The following SPAG16 variants were observed in gnomAD, a reference collection of about 807,000 sequenced individuals.
The protein encoded by SPAG16 is sperm-associated antigen 16 protein.
Under a neutral mutation model 80.4 loss-of-function variants are expected in SPAG16, and 86 were observed. The ratio of observed to expected loss-of-function variants is 1.07; its 90% CI spans 0.90 to 1.28. The LOEUF (loss-of-function observed/expected upper bound fraction) is 1.28, where lower values mean the gene tolerates loss of function less well. Ranked by LOEUF, SPAG16 falls within the 50% of genes most tolerant of loss-of-function variation. The probability of loss-of-function intolerance (pLI) is 0.00; values close to 1 mark genes in which losing one functional copy is unlikely to be tolerated. For missense variants in SPAG16, 870 were observed against 765.3 expected, an observed-to-expected ratio of 1.14 and a Z score of -1.61; for synonymous variants, 294 against 265.9, an observed-to-expected ratio of 1.11 and a Z score of -1.03.
At chr2:213,520,585 C>T (rs923317261) in intron 10 of SPAG16, among the ~76,000 whole-genome samples, 5 of 152,156 alleles carry the variant, frequency 3.3e-5, no homozygotes, top group African/African-American at 1.2e-4. Flanking sequence ...CAGAGCAAGA[C>T]TCCATCTCAA....
intron 10 of SPAG16, among the ~76,000 whole-genome samples, chr2:213,572,847 C>G (rs2059968216): frequency 1.3e-5 from 2 of 152,202 alleles, no homozygotes; most frequent in South Asian, 4.1e-4. Flanking sequence ...CTCGCTGCTG[C>G]CTTGCAGTTT....
chr2:214,194,359 T>C (rs1030929712), intron 15 of SPAG16, among the ~76,000 whole-genome samples: 9 of 152,076 alleles, frequency 5.9e-5, no homozygotes, highest in Non-Finnish European at 1.3e-4. Context: ...CTCTTCCTCA[T>C]ACTTGCTCAG....
chr2:214,078,698 C>A lies in SPAG16; in HGVS notation c.1528-29498C>A, dbSNP rs557501678. 9.2e-5 allele frequency among the ~76,000 whole-genome samples: 14 copies of A among 151,800 alleles called. No homozygotes were observed. The South Asian group carries it at 2.9e-3, about 32-fold the overall frequency. On this transcript the variant is annotated intron_variant, in intron 13 of 15. Coordinates refer to ENST00000331683, the MANE Select transcript of SPAG16 (RefSeq NM_024532.5). ...TAGTATATTTCTGTGAAAAAATAAC[C>A]CTTTGAGGAAATTTATTATAATTGA...
chr2:213,375,794 A>G (rs2066855918), intron 9 of SPAG16, among the ~76,000 whole-genome samples: 2 of 151,890 alleles, frequency 1.3e-5, no homozygotes, highest in South Asian at 4.1e-4. Context: ...AAATATTTAC[A>G]ATTATAATAG....
intron 9 of SPAG16, among the ~76,000 whole-genome samples, chr2:213,395,403 T>C (rs1347877609): frequency 6.6e-6 from 1 of 152,210 alleles, no homozygotes; most frequent in Non-Finnish European, 1.5e-5. Context: ...ATCCCACATA[T>C]TTTGTTATAT....
At chr2:213,508,067 T>C (rs2075043587) in intron 10 of SPAG16, among the ~76,000 whole-genome samples, 1 of 152,190 alleles carries the variant, frequency 6.6e-6, no homozygotes, top group Non-Finnish European at 1.5e-5. Flanking sequence ...GATCTAGAAC[T>C]AGAAATACCA....
intron 10 of SPAG16, among the ~76,000 whole-genome samples, chr2:213,746,285 A>G (rs1386397594): frequency 6.6e-6 from 1 of 152,244 alleles, no homozygotes; most frequent in African/African-American, 2.4e-5. Context: ...AATTACTGAC[A>G]GTAATACTCT....
intron 14 of SPAG16, among the ~76,000 whole-genome samples, chr2:214,136,368 T>C (rs2055051308): frequency 6.6e-6 from 1 of 152,210 alleles, no homozygotes; most frequent in Non-Finnish European, 1.5e-5. Context: ...TAAACCTTGG[T>C]TGTCTCATTT....
chr2:214,326,367 G>C (rs1696479659), intron 15 of SPAG16, among the ~76,000 whole-genome samples: 1 of 152,138 alleles, frequency 6.6e-6, no homozygotes. Context: ...AAGGGAGCAT[G>C]GCCCTGCTGA....
At chr2:213,976,914 G>A (rs943424606) in intron 12 of SPAG16, among the ~76,000 whole-genome samples, 4 of 152,034 alleles carry the variant, frequency 2.6e-5, no homozygotes, top group East Asian at 1.9e-4. Context: ...CAAACCCACA[G>A]CAAGGACACA....
chr2:213,481,798 A>G (rs1433292171), intron 9 of SPAG16, among the ~76,000 whole-genome samples: 1 of 152,228 alleles, frequency 6.6e-6, no homozygotes, highest in East Asian at 1.9e-4. Context: ...ACACAAATGA[A>G]TTGGATCATT....
intron 9 of SPAG16, among the ~76,000 whole-genome samples, chr2:213,424,485 CAATT>C (rs2069786365): frequency 6.6e-6 from 1 of 152,130 alleles, no homozygotes; most frequent in Admixed American, 6.5e-5. Flanking sequence ...AAAACACTCT[CAATT>C]AGTAAAAATG....
At chr2:213,882,581 T>A (rs2076385990) in intron 11 of SPAG16, among the ~76,000 whole-genome samples, 1 of 152,192 alleles carries the variant, frequency 6.6e-6, no homozygotes, top group Admixed American at 6.5e-5. Context: ...ATTTTCTAAT[T>A]TGTGGAACAG....
intron 13 of SPAG16, among the ~76,000 whole-genome samples, chr2:214,087,647 C>G (rs2051863352): frequency 6.6e-6 from 1 of 151,914 alleles, no homozygotes; most frequent in Non-Finnish European, 1.5e-5. Context: ...GACAGAAAGC[C>G]AGAGGAGATG....
chr2:214,175,674 G>A (rs2057056710), intron 15 of SPAG16, among the ~76,000 whole-genome samples: 1 of 151,374 alleles, frequency 6.6e-6, no homozygotes, highest in Non-Finnish European at 1.5e-5. Flanking sequence ...CAATATATAT[G>A]CTTTTAAAAA....
rs554981311 is a variant in SPAG16 at position 214,177,535 on chromosome 2, T to C, written c.1720+28269T>C. 3.3e-5 allele frequency among the ~76,000 whole-genome samples: 5 copies of C among 151,178 alleles called. No homozygotes were observed. In the South Asian group the frequency reaches 1.0e-3, roughly 31 times the overall value. ...AATATTCTATTCAAATAGTACTTTT[T>C]CTAATATCACTCCCTCACTTTTTCT... is the stretch of plus-strand genomic sequence containing the variant. On this transcript the variant is annotated intron_variant, in intron 15 of 15. Transcript: ENST00000331683.
chr2:213,525,588 A>G (rs1322242116), intron 10 of SPAG16, among the ~76,000 whole-genome samples: 1 of 152,068 alleles, frequency 6.6e-6, no homozygotes, highest in African/African-American at 2.4e-5. Context: ...CACCTGGCCA[A>G]TTAAACCTCT....
intron 15 of SPAG16, among the ~76,000 whole-genome samples, chr2:214,250,745 T>TAGAGAG (rs1398273243): frequency 5.1e-4 from 44 of 86,206 alleles, no homozygotes; most frequent in South Asian, 1.3e-3. Flanking sequence ...TATATATATA[T>TAGAGAG]ATATATATAT....
At chr2:214,059,216 G>GTGTA (rs1416644778) in intron 13 of SPAG16, among the ~76,000 whole-genome samples, 25 of 66,998 alleles carry the variant, frequency 3.7e-4, no homozygotes, top group South Asian at 2.8e-3. Context: ...ATATATATAT[G>GTGTA]TATGTGTATA....
Sources: gnomAD v4.1 joint callset for allele counts (sites outside exome capture counted in the v4.1 genomes callset) on GRCh38, gnomAD v4.1.1 for gene constraint, MANE v1.5 for transcripts, NCBI Gene and HGNC (gene_info 2026-07-23, HGNC 2026-07-21) for gene names.